The following FKBP15 variants were observed in gnomAD, a reference collection of about 807,000 sequenced individuals.
The protein encoded by FKBP15 is FKBP prolyl isomerase family member 15, also known as FK506-binding protein 15.
FKBP15 carries 106 observed loss-of-function variants against 158.1 expected under a neutral mutation model. That is an observed-to-expected ratio of 0.67 (90% CI 0.57 to 0.79). FKBP15 has a LOEUF of 0.79. Ranked by LOEUF, FKBP15 falls within the 30% of genes least tolerant of loss-of-function variation. The pLI is 0.00. For missense variants in FKBP15, 1,287 were observed against 1,479.1 expected, an observed-to-expected ratio of 0.87 and a Z score of 2.13; for synonymous variants, 547 against 548.6, an observed-to-expected ratio of 1.00 and a Z score of 0.04.
intron 19 of FKBP15, among the ~76,000 whole-genome samples, chr9:113,179,430 G>A (rs892168037): frequency 1.3e-5 from 2 of 152,162 alleles, no homozygotes; most frequent in Non-Finnish European, 2.9e-5. Flanking sequence ...TTGGGAGGCC[G>A]AAGCGGGCAG....
At chr9:113,212,926 C>T (rs1831039898) in intron 1 of FKBP15, among the ~76,000 whole-genome samples, 1 of 152,174 alleles carries the variant, frequency 6.6e-6, no homozygotes, top group Non-Finnish European at 1.5e-5. Flanking sequence ...ACAAATGTAA[C>T]ATGTCCAAAC....
chr9:113,207,237 C>A lies in FKBP15; in HGVS notation c.229G>T (p.Ala77Ser). The A allele has an allele frequency of 6.2e-7, 1 of 1,612,966 alleles. No individual in the cohort carries two copies. The highest frequency in any genetic ancestry group is 8.5e-7 in the Non-Finnish European group (1 of 1,179,376). The change falls in exon 3 of 28, where the codon GCA (alanine) becomes TCA (serine). Residue 77 changes from alanine (A) to serine (S), a missense_variant. Transcript: ENST00000238256. ...TATCGATATGCATGGACTGCTGTTGCGACCAGTATTGTGGGAGTGCTCATG... is the reference window on the plus strand; with the variant it reads ...TATCGATATGCATGGACTGCTGTTGAGACCAGTATTGTGGGAGTGCTCATG... ...ATMSTPTILV[A>S]TAVHAYRYTN...
intron 1 of FKBP15, among the ~76,000 whole-genome samples, chr9:113,213,111 A>T (rs1273664094): frequency 2.6e-5 from 4 of 152,004 alleles, no homozygotes; most frequent in African/African-American, 9.7e-5. Context: ...CAGCAAAAAT[A>T]AAAAGTGCAC....
chr9:113,168,886 T>C (rs1830145266), intron 26 of FKBP15, among the ~76,000 whole-genome samples: 1 of 152,212 alleles, frequency 6.6e-6, no homozygotes, highest in South Asian at 2.1e-4. Flanking sequence ...CTTTATGATA[T>C]GTAAGTATGT....
intron 13 of FKBP15, 62 bp from the exon 14 acceptor site, chr9:113,187,961 T>A (rs747342840): frequency 3.3e-6 from 4 of 1,197,692 alleles, no homozygotes; most frequent in South Asian, 1.3e-5. Context: ...GAGTCTAGAC[T>A]AGCACCTTAC....
In FKBP15 at chr9:113,180,400, ATGTGTG is replaced by A. The variant is rs61018100; in HGVS notation, c.1915-1605_1915-1600del. Among the ~76,000 whole-genome samples, 138 of 150,078 alleles carry A rather than the reference ATGTGTG, an allele frequency of 9.2e-4. 1 individual carries two copies. Among genetic ancestry groups the A allele is most frequent in the East Asian group, 5.1e-3 (26 of 5,108 alleles). On this transcript the variant is annotated intron_variant, in intron 19 of 27. Transcript: ENST00000238256. ...ATGCAACTTTTATGATCAGAAAAAA[ATGTGTG>A]TGTGTGTGTGTGTGTGTGTGTGTGT...
In FKBP15 at chr9:113,162,942, AG is replaced by A; in HGVS notation, c.*3135del. 1.3e-6 allele frequency: 2 copies of A among 1,565,790 alleles called. No homozygotes were observed. Among genetic ancestry groups the A allele is most frequent in the Non-Finnish European group, 1.7e-6 (2 of 1,155,708 alleles). The stretch of plus-strand genomic sequence containing the variant: ...GCTGGTGAGGAACGTGCAGGCACTG[AG>A]GCTGGAGGGACATGGAGCCCCCTCT... On this transcript the variant is annotated 3_prime_UTR_variant, in exon 28 of 28. Transcript: ENST00000238256.
chr9:113,213,312 G>A (rs1348061033), intron 1 of FKBP15, among the ~76,000 whole-genome samples: 1 of 152,112 alleles, frequency 6.6e-6, no homozygotes, highest in African/African-American at 2.4e-5. Flanking sequence ...GGGAGGCTGA[G>A]GCAGGAGAAT....
At chr9:113,181,495 C>T (rs531638362) in intron 19 of FKBP15, among the ~76,000 whole-genome samples, 1 of 152,262 alleles carries the variant, frequency 6.6e-6, no homozygotes, top group Admixed American at 6.5e-5. Flanking sequence ...AATTCCTACA[C>T]CTGGAATCTA....
At chr9:113,201,216 A>G (rs1406186254) in intron 6 of FKBP15, among the ~76,000 whole-genome samples, 3 of 152,082 alleles carry the variant, frequency 2.0e-5, no homozygotes, top group South Asian at 2.1e-4. Flanking sequence ...ATCTCTCTGA[A>G]AAGCAGTGTG....
intron 8 of FKBP15, among the ~76,000 whole-genome samples, chr9:113,197,433 T>C (rs7856067): frequency 0.33 from 50,667 of 152,026 alleles, 8,690 homozygotes; most frequent in African/African-American, 0.38. Context: ...TTTGAGAGGC[T>C]GAGACGGGTG....
chr9:113,199,747 T>A, intron 7 of FKBP15, 67 bp downstream of exon 7: 1 of 1,487,306 alleles, frequency 6.7e-7, no homozygotes, highest in Non-Finnish European at 9.1e-7. Flanking sequence ...AGTAATAGTA[T>A]CTTCCCTGGG....
chr9:113,193,889 T>A (rs960880770), intron 10 of FKBP15, 138 bp downstream of exon 10: 18 of 1,010,864 alleles, frequency 1.8e-5, no homozygotes, highest in Non-Finnish European at 2.5e-5. Context: ...GATGCAAGTA[T>A]CTTCCCCATT....
At chr9:113,177,831 C>T (rs1383994037) in intron 20 of FKBP15, among the ~76,000 whole-genome samples, 1 of 152,176 alleles carries the variant, frequency 6.6e-6, no homozygotes, top group African/African-American at 2.4e-5. Flanking sequence ...GATTAATCAA[C>T]CTGCTGGTCT....
intron 1 of FKBP15, among the ~76,000 whole-genome samples, chr9:113,213,067 C>T (rs566759224): frequency 2.6e-5 from 4 of 152,152 alleles, no homozygotes; most frequent in African/African-American, 9.6e-5. Flanking sequence ...GTACTCATGG[C>T]TAAGATCTAT....
chr9:113,183,314 TCAGAA>T (rs971767284), intron 18 of FKBP15, among the ~76,000 whole-genome samples: 25 of 152,086 alleles, frequency 1.6e-4, no homozygotes, highest in Admixed American at 1.4e-3. Flanking sequence ...CTCCAAATCT[TCAGAA>T]GTATCTACAA....
At chr9:113,206,612 C>A in intron 3 of FKBP15, 34 bp from the exon 4 acceptor site, 2 of 1,547,548 alleles carry the variant, frequency 1.3e-6, no homozygotes, top group Non-Finnish European at 1.8e-6. Flanking sequence ...AGTATTAATA[C>A]TTCCCTAAAT....
chr9:113,169,118 A>T (rs535106843), intron 26 of FKBP15, 106 bp downstream of exon 26: 14 of 1,391,140 alleles, frequency 1.0e-5, no homozygotes, highest in Non-Finnish European at 1.3e-5. Flanking sequence ...GAATGAAGAC[A>T]TGAGTAAATT....
chr9:113,205,037 C>A (rs1440505876), intron 4 of FKBP15, among the ~76,000 whole-genome samples: 1 of 152,030 alleles, frequency 6.6e-6, no homozygotes, highest in Non-Finnish European at 1.5e-5. Context: ...ACCGTAGGCC[C>A]AACTTGTATA....
Sources: allele counts gnomAD v4.1 joint callset (sites outside exome capture counted in the v4.1 genomes callset), GRCh38; gene constraint gnomAD v4.1.1; transcripts MANE v1.5; gene names NCBI Gene and HGNC (gene_info 2026-07-23, HGNC 2026-07-21).